Variants in WDR13 observed in about 807,000 individuals in gnomAD.
The protein encoded by WDR13 is WD repeat-containing protein 13.
A neutral mutation model predicts 28.6 loss-of-function variants in WDR13; 1 was observed. The ratio of observed to expected loss-of-function variants is 0.03; its 90% CI spans 0.01 to 0.17. WDR13 has a LOEUF of 0.17. Among genes scored for constraint, WDR13 ranks in the 10% least tolerant of loss-of-function variants. The pLI, the probability that WDR13 is intolerant of heterozygous loss-of-function variation, is 1.00. For missense variants in WDR13, 264 were observed against 469.3 expected, an observed-to-expected ratio of 0.56 and a Z score of 4.04; for synonymous variants, 201 against 185.9, an observed-to-expected ratio of 1.08 and a Z score of -0.66.
intron 2 of WDR13, 46 bp downstream of exon 2, chrX:48,598,083 G>A (rs931532800): frequency 2.0e-5 from 23 of 1,158,869 alleles, no homozygotes; most frequent in Admixed American, 2.7e-5. Context: ...TTACTGTGGT[G>A]CATGCGCAAT....
chrX:48,602,240 G>A (rs782538012), intron 8 of WDR13, 34 bp downstream of exon 8: 1 of 1,186,161 alleles, frequency 8.4e-7, no homozygotes, highest in Admixed American at 2.2e-5. Flanking sequence ...TGGAGACGGA[G>A]GACCTGCCTC....
rs1469761109 is a variant in WDR13 at position 48,605,243 on chromosome X, A to G, written c.*211A>G. ...ATGCATCGACGGATTCATTCATTCC[A>G]CAAGCATTGATTGAATGTCTGCTGG... On this transcript the variant is annotated 3_prime_UTR_variant, in exon 10 of 10. Coordinates refer to ENST00000376729, the MANE Select transcript of WDR13 (RefSeq NM_001347217.2). 1.1e-5 allele frequency: 5 copies of G among 437,703 alleles called. No individual in the cohort carries two copies. The East Asian group carries it at 1.5e-4, about 13-fold the overall frequency. The allele number at this position is 437,703 out of a possible 1,213,427, so 36.1% of individuals were successfully genotyped here.
chrX:48,599,193 C>T (rs2062164981), intron 3 of WDR13, 160 bp from the exon 4 acceptor site: 4 of 624,039 alleles, frequency 6.4e-6, no homozygotes, highest in Admixed American at 8.1e-5. Context: ...CAGCAGAACT[C>T]GTGAGGAAGC....
chrX:48,598,257 C>G, intron 2 of WDR13: 1 of 1,081,312 alleles, frequency 9.2e-7, no homozygotes, highest in African/African-American at 1.9e-5. Context: ...TGTGGGCATG[C>G]GCAAAGCGGC....
In WDR13 at chrX:48,607,380, G is replaced by GT. The variant is rs1556996206; in HGVS notation, c.*2348_*2349insT. The GT allele has an allele frequency of 3.5e-5, 2 of 57,428 alleles. No homozygotes were observed. The highest frequency in any genetic ancestry group is 7.0e-5 in the Non-Finnish European group (2 of 28,439). 4.7% of individuals were successfully genotyped at this position (57,428 alleles called of 1,213,427 possible). A position where few individuals can be genotyped will look rare whatever the true frequency, so the allele number is the denominator to read the frequency against. On this transcript the variant is annotated 3_prime_UTR_variant, in exon 10 of 10. Transcript: ENST00000376729. ...TTGTTGTTGTTTTGGTTTTTTTTTGGCGGGGGGGGGGGGGTCTTGCTCTGA... is the reference window on the plus strand; with the variant it reads ...TTGTTGTTGTTTTGGTTTTTTTTTGGTCGGGGGGGGGGGGGTCTTGCTCTGA...
intron 6 of WDR13, 54 bp from the exon 7 acceptor site, chrX:48,601,730 C>G: frequency 9.0e-7 from 1 of 1,115,026 alleles, no homozygotes; most frequent in Non-Finnish European, 1.2e-6. Flanking sequence ...TGTGGTCAGA[C>G]TCAAGGAGGG....
chrX:48,599,878 C>A, intron 5 of WDR13, 161 bp downstream of exon 5: 1 of 790,647 alleles, frequency 1.3e-6, no homozygotes, highest in Non-Finnish European at 1.8e-6. Flanking sequence ...GCAAAGTGGT[C>A]AGTGCTTCGT....
At chrX:48,604,153 A>AC in intron 8 of WDR13, 119 bp from the exon 9 acceptor site, 1 of 603,078 alleles carries the variant, frequency 1.7e-6, no homozygotes, top group East Asian at 3.5e-5. Flanking sequence ...ACAAAAAAAA[A>AC]AATATGGGTT....
chrX:48,600,955 C>T (rs1238784891), intron 6 of WDR13, among the ~76,000 whole-genome samples: 2 of 111,243 alleles, frequency 1.8e-5, no homozygotes, highest in East Asian at 5.7e-4. Context: ...ATTAGCCGGG[C>T]ATGGTGGCGG....
In WDR13 at chrX:48,606,680, T is replaced by G. The variant is rs1181271134; in HGVS notation, c.*1648T>G. ...CCTGCGTCACCAGAAAATGTCAAAG[T>G]TACCTGAAGCAGCAAAGAGGCTCTT... On this transcript the variant is annotated 3_prime_UTR_variant, in exon 10 of 10. Transcript: ENST00000376729. The G allele has an allele frequency of 8.9e-6, 1 of 112,014 alleles. No homozygotes were observed. The highest frequency in any genetic ancestry group is 1.9e-5 in the Non-Finnish European group (1 of 53,160). 9.2% of individuals were successfully genotyped at this position (112,014 alleles called of 1,213,427 possible).
intron 6 of WDR13, among the ~76,000 whole-genome samples, chrX:48,601,363 G>A (rs235845): frequency 9.0e-6 from 1 of 110,959 alleles, no homozygotes; most frequent in Non-Finnish European, 1.9e-5. Context: ...GGCCCGGGGT[G>A]TAGTGGGGTG....
rs997796617 is a variant in WDR13, at chrX:48,602,204, C to T, written c.1152C>T (p.Tyr384=). The T allele has an allele frequency of 2.7e-5, 32 of 1,203,572 alleles. No individual in the cohort carries two copies. Among genetic ancestry groups the T allele is most frequent in the Non-Finnish European group, 3.5e-5 (31 of 889,611 alleles). Residue 384 remains tyrosine, a splice_region_variant and synonymous_variant, in exon 8 of 10, where the codon TAC becomes TAT. Transcript: ENST00000376729. ...INACLNKLLL[Y]RVVDNEGTLQ... ...CTTGCCTCAACAAGTTGCTGCTCTA[C>T]AGGTGGGTCCCCCATCAGGGCCTCC...
rs782584055 is a variant in WDR13 at position 48,604,990 on chromosome X, C to T, written c.1416C>T (p.Asp472=). 3.3e-5 allele frequency: 40 copies of T among 1,208,609 alleles called. No individual in the cohort carries two copies. Among genetic ancestry groups the T allele is most frequent in the Middle Eastern group, 2.3e-4 (1 of 4,348 alleles). ...NCDESLLASS[D]ASGMVIVWRR... is the part of the protein sequence containing the mutation. The stretch of plus-strand genomic sequence containing the variant: ...ACGAGAGCCTACTGGCCTCCAGTGA[C>T]GCCAGCGGCATGGTCATCGTCTGGA... The change falls in exon 10 of 10, where the codon GAC becomes GAT. Residue 472 remains aspartate, a synonymous_variant. Transcript: ENST00000376729.
At chrX:48,602,289 G>A in intron 8 of WDR13, 83 bp downstream of exon 8, 1 of 1,049,633 alleles carries the variant, frequency 9.5e-7, no homozygotes. Context: ...TCCTCCATCA[G>A]GTTAATTTAA....
chrX:48,604,477 C>T lies in WDR13; in HGVS notation c.1273+87C>T, dbSNP rs1345255252. 3.6e-6 allele frequency: 3 copies of T among 824,630 alleles called. No individual in the cohort carries two copies. In the East Asian group the frequency reaches 1.0e-4, roughly 27 times the overall value. The allele number at this position is 824,630 out of a possible 1,213,427, so 68.0% of individuals were successfully genotyped here. ...CCAACCTGGCTCAGACATCACGACA[C>T]CGATGCCCTGACTTCCTGGACCTCA... On this transcript the variant is annotated intron_variant, in intron 9 of 9. Transcript: ENST00000376729.
At position 48,600,253 on chromosome X, in the gene WDR13, G is replaced by A. The variant is rs1373810683; in HGVS notation, c.524-66G>A. 1.7e-5 allele frequency: 19 copies of A among 1,127,029 alleles called. No homozygotes were observed. In the East Asian group the frequency reaches 4.5e-4, roughly 27 times the overall value. 92.9% of individuals were successfully genotyped at this position (1,127,029 alleles called of 1,213,427 possible). A position where few individuals can be genotyped will look rare whatever the true frequency, so the allele number is the denominator to read the frequency against. ...CCCAGCCCCAGGCACACACGTCAGA[G>A]CCTTTTAGAGAGAAAAGTGCCCAGT... On this transcript the variant is annotated intron_variant, in intron 5 of 9. Coordinates refer to ENST00000376729, the MANE Select transcript of WDR13 (RefSeq NM_001347217.2).
At position 48,608,758 on chromosome X, in the gene WDR13, G is replaced by A. The variant is rs1453597993; in HGVS notation, c.*3726G>A. The A allele has an allele frequency of 2.7e-5, 3 of 111,577 alleles. No homozygotes were observed. The allele number at this position is 111,577 out of a possible 1,213,427, so 9.2% of individuals were successfully genotyped here. ...GGTTTCCTCCTTGTGAAATTTTGAG[G>A]TGGCAGATTTGACATTCTACTTTAA... is the stretch of plus-strand genomic sequence containing the variant. On this transcript the variant is annotated 3_prime_UTR_variant, in exon 10 of 10. Transcript: ENST00000376729.
At position 48,602,052 on chromosome X, in the gene WDR13, TCTG is replaced by T. The variant is rs1330113426; in HGVS notation, c.1013-5_1013-3del. On this transcript the variant is annotated splice_polypyrimidine_tract_variant and intron_variant, in intron 7 of 9. Transcript: ENST00000376729. The stretch of plus-strand genomic sequence containing the variant: ...CACCCTCACCTTTGCCTTCCCTCCC[TCTG>T]CTGCTGCAGGGAAGCTGACCAAAGC... 1 of 1,207,721 alleles carries T rather than the reference TCTG, an allele frequency of 8.3e-7. No homozygotes were observed. Among genetic ancestry groups the T allele is most frequent in the African/African-American group, 1.7e-5 (1 of 57,354 alleles).
chrX:48,601,449 C>T (rs1479840339), intron 6 of WDR13, among the ~76,000 whole-genome samples: 1 of 112,204 alleles, frequency 8.9e-6, no homozygotes, highest in East Asian at 2.8e-4. Flanking sequence ...CCACAAGTTC[C>T]AGAAAGGAGC....
Sources: allele counts gnomAD v4.1 joint callset (sites outside exome capture counted in the v4.1 genomes callset), GRCh38; gene constraint gnomAD v4.1.1; transcripts MANE v1.5; gene names NCBI Gene and HGNC (gene_info 2026-07-23, HGNC 2026-07-21).